SOCS5: variants seen among roughly 807,000 people sequenced by gnomAD.
SOCS5 encodes the protein CIS-6.
A neutral mutation model predicts 42.8 loss-of-function variants in SOCS5; 32 were observed. The observed-to-expected ratio is 0.75, with a 90% CI of 0.56 to 1.01. The LOEUF (loss-of-function observed/expected upper bound fraction) is 1.01. Ranked by LOEUF, SOCS5 falls within the 50% of genes least tolerant of loss-of-function variation. The pLI is 0.00. For synonymous variants in SOCS5, 283 were observed against 229.6 expected, an observed-to-expected ratio of 1.23 and a Z score of -2.10; for missense variants, 627 against 653.0, an observed-to-expected ratio of 0.96 and a Z score of 0.43.
At chr2:46,743,440 G>A (rs1673423366) in intron 1 of SOCS5, among the ~76,000 whole-genome samples, 1 of 152,134 alleles carries the variant, frequency 6.6e-6, no homozygotes, top group South Asian at 2.1e-4. Context: ...CATTGCCATG[G>A]CATTTGTAAC....
At chr2:46,716,147 C>T (rs1471056) in intron 1 of SOCS5, among the ~76,000 whole-genome samples, 101,828 of 145,842 alleles carry the variant, frequency 0.7, 36,635 homozygotes, top group African/African-American at 0.86. Context: ...TTCTCTTACA[C>T]ATGTTTGGTT....
chr2:46,728,972 C>T (rs1440897639), intron 1 of SOCS5, among the ~76,000 whole-genome samples: 2 of 152,164 alleles, frequency 1.3e-5, no homozygotes, highest in Admixed American at 1.3e-4. Context: ...GTTAGACACA[C>T]AAAATTTCTG....
chr2:46,725,900 C>T (rs1022627669), intron 1 of SOCS5, among the ~76,000 whole-genome samples: 2 of 151,922 alleles, frequency 1.3e-5, no homozygotes, highest in African/African-American at 2.4e-5. Context: ...TTCTTTCAAC[C>T]CTTTAAAAAT....
chr2:46,707,374 C>T (rs1276047411), intron 1 of SOCS5, among the ~76,000 whole-genome samples: 2 of 152,192 alleles, frequency 1.3e-5, no homozygotes, highest in African/African-American at 4.8e-5. Flanking sequence ...ATTGTTTCTT[C>T]ACTCATTACT....
At chr2:46,700,528 G>T (rs969470670) in intron 1 of SOCS5, among the ~76,000 whole-genome samples, 2 of 151,910 alleles carry the variant, frequency 1.3e-5, no homozygotes, top group African/African-American at 4.8e-5. Context: ...CCTTACTTTC[G>T]TTTCTCTACA....
chr2:46,706,172 T>G (rs1245505222), intron 1 of SOCS5, among the ~76,000 whole-genome samples: 1 of 152,240 alleles, frequency 6.6e-6, no homozygotes, highest in Non-Finnish European at 1.5e-5. Context: ...TGATTTATTA[T>G]GACTGCTCTT....
At chr2:46,717,429 T>C (rs1444736284) in intron 1 of SOCS5, among the ~76,000 whole-genome samples, 1 of 152,190 alleles carries the variant, frequency 6.6e-6, no homozygotes, top group Non-Finnish European at 1.5e-5. Context: ...TGCAGGACAA[T>C]TCTAGACTTT....
intron 1 of SOCS5, among the ~76,000 whole-genome samples, chr2:46,708,765 A>C (rs750795837): frequency 7.9e-5 from 12 of 152,072 alleles, no homozygotes; most frequent in Non-Finnish European, 1.3e-4. Flanking sequence ...AGTACAACAC[A>C]GGATTCTTAG....
chr2:46,717,111 G>C (rs1417843686), intron 1 of SOCS5, among the ~76,000 whole-genome samples: 2 of 152,198 alleles, frequency 1.3e-5, no homozygotes, highest in Admixed American at 1.3e-4. Flanking sequence ...AGAAACTCGA[G>C]AAGACCCCTT....
intron 1 of SOCS5, among the ~76,000 whole-genome samples, chr2:46,726,316 T>C (rs1672988889): frequency 6.6e-6 from 1 of 152,102 alleles, no homozygotes; most frequent in South Asian, 2.1e-4. Context: ...CAGACTGATC[T>C]AAAACTCCTA....
At chr2:46,714,787 G>C (rs1455157367) in intron 1 of SOCS5, among the ~76,000 whole-genome samples, 1 of 152,120 alleles carries the variant, frequency 6.6e-6, no homozygotes, top group African/African-American at 2.4e-5. Flanking sequence ...TTTGTTTTCT[G>C]TTGGCTGGTG....
chr2:46,734,145 A>G (rs1439467041), intron 1 of SOCS5, among the ~76,000 whole-genome samples: 1 of 152,140 alleles, frequency 6.6e-6, no homozygotes, highest in Non-Finnish European at 1.5e-5. Context: ...ACTTCTGTGG[A>G]GCAATAGTTG....
intron 1 of SOCS5, among the ~76,000 whole-genome samples, chr2:46,711,805 C>A (rs1672628847): frequency 6.6e-6 from 1 of 152,068 alleles, no homozygotes; most frequent in South Asian, 2.1e-4. Context: ...TAGATTTTTG[C>A]CCCCATATAG....
chr2:46,708,657 A>T (rs1672547391), intron 1 of SOCS5, among the ~76,000 whole-genome samples: 1 of 152,166 alleles, frequency 6.6e-6, no homozygotes. Context: ...ATGTAGAAAA[A>T]TATTTGCTGC....
At chr2:46,710,896 A>G (rs2103696555) in intron 1 of SOCS5, among the ~76,000 whole-genome samples, 1 of 152,312 alleles carries the variant, frequency 6.6e-6, no homozygotes, top group Admixed American at 6.5e-5. Flanking sequence ...ATTTCACTGA[A>G]GATTAACTTT....
At chr2:46,709,432 A>G (rs1301331381) in intron 1 of SOCS5, among the ~76,000 whole-genome samples, 1 of 152,194 alleles carries the variant, frequency 6.6e-6, no homozygotes, top group African/African-American at 2.4e-5. Context: ...GCTGAAGGGA[A>G]TTTGGAAAGA....
chr2:46,701,147 A>G (rs1263470285), intron 1 of SOCS5, among the ~76,000 whole-genome samples: 1 of 152,206 alleles, frequency 6.6e-6, no homozygotes, highest in African/African-American at 2.4e-5. Flanking sequence ...AAATATTGAA[A>G]CCTAACACCT....
intron 1 of SOCS5, among the ~76,000 whole-genome samples, chr2:46,709,706 C>G (rs950199056): frequency 1.3e-5 from 2 of 152,038 alleles, no homozygotes; most frequent in African/African-American, 4.8e-5. Flanking sequence ...TGATTCAAGA[C>G]TAAAATTTGG....
At chr2:46,706,091 C>G (rs1298248282) in intron 1 of SOCS5, among the ~76,000 whole-genome samples, 2 of 152,084 alleles carry the variant, frequency 1.3e-5, no homozygotes, top group Admixed American at 1.3e-4. Context: ...GTTCTGAAAA[C>G]AAAAATGATG....
Sources: gnomAD v4.1 joint callset for allele counts (sites outside exome capture counted in the v4.1 genomes callset) on GRCh38, gnomAD v4.1.1 for gene constraint, MANE v1.5 for transcripts, NCBI Gene and HGNC (gene_info 2026-07-23, HGNC 2026-07-21) for gene names.